The following NACC2 variants were observed in gnomAD, a reference collection of about 807,000 sequenced individuals.
The protein encoded by NACC2 is NACC family member 2.
NACC2 carries 8 observed loss-of-function variants against 25.1 expected under a neutral mutation model. That is an observed-to-expected ratio of 0.32 (90% confidence interval 0.19 to 0.57). The LOEUF (loss-of-function observed/expected upper bound fraction) is 0.57. NACC2 is among the 20% of genes least tolerant of loss of function. The pLI is 0.89. For missense variants in NACC2, 644 were observed against 650.2 expected (o/e 0.99, Z 0.10); for synonymous variants, 435 against 294.7 (o/e 1.48, Z -4.88).
intron 1 of NACC2, among the ~76,000 whole-genome samples, chr9:136,062,121 AC>A (rs1564235378): frequency 1.4e-5 from 1 of 69,350 alleles, no homozygotes; most frequent in Non-Finnish European, 3.2e-5. Context: ...GCGAGACAGG[AC>A]AGGACAGGAC....
At chr9:136,068,506 A>C (rs2131176479) in intron 1 of NACC2, among the ~76,000 whole-genome samples, 1 of 151,334 alleles carries the variant, frequency 6.6e-6, no homozygotes. Flanking sequence ...TCTCAAAAAA[A>C]AAAAAAAAAA....
intron 1 of NACC2, among the ~76,000 whole-genome samples, chr9:136,060,977 C>T (rs919328297): frequency 6.6e-6 from 1 of 152,182 alleles, no homozygotes; most frequent in African/African-American, 2.4e-5. Context: ...CCCCAGGATG[C>T]CCTGGCCTGA....
chr9:136,040,598 C>A (rs1840613297), intron 2 of NACC2, among the ~76,000 whole-genome samples: 1 of 152,008 alleles, frequency 6.6e-6, no homozygotes, highest in African/African-American at 2.4e-5. Flanking sequence ...CGGAAACATT[C>A]CAAAAGTCCA....
chr9:136,062,114 A>ACAGGGCAAGACAGGACAG (rs1841019217), intron 1 of NACC2, among the ~76,000 whole-genome samples: 2 of 142,450 alleles, frequency 1.4e-5, no homozygotes, highest in African/African-American at 5.4e-5. Context: ...CAACAGAGCG[A>ACAGGGCAAGACAGGACAG]GACAGGACAG....
chr9:136,029,292 T>C (rs952819510), intron 2 of NACC2, among the ~76,000 whole-genome samples: 3 of 152,064 alleles, frequency 2.0e-5, no homozygotes, highest in African/African-American at 7.2e-5. Context: ...GTGGGTCTCC[T>C]CTCAGCTGAG....
intron 1 of NACC2, among the ~76,000 whole-genome samples, chr9:136,054,046 T>C (rs1840887423): frequency 6.6e-6 from 1 of 152,214 alleles, no homozygotes; most frequent in African/African-American, 2.4e-5. Context: ...ACTGGGGTTA[T>C]GATTTACCCT....
At chr9:136,089,944 T>C (rs899538987) in intron 1 of NACC2, among the ~76,000 whole-genome samples, 1 of 151,756 alleles carries the variant, frequency 6.6e-6, no homozygotes, top group Admixed American at 6.6e-5. Flanking sequence ...TTAATTGTAA[T>C]GTATCTTTTT....
intron 3 of NACC2, 36 bp downstream of exon 3, chr9:136,016,229 A>G: frequency 6.2e-7 from 1 of 1,607,898 alleles, no homozygotes; most frequent in Non-Finnish European, 8.5e-7. Context: ...AAATGAGGAC[A>G]TTTGCATACA....
At chr9:136,048,213 C>T (rs1188369776) in intron 2 of NACC2, among the ~76,000 whole-genome samples, 2 of 152,288 alleles carry the variant, frequency 1.3e-5, no homozygotes, top group East Asian at 1.9e-4. Context: ...CAACAGGGGC[C>T]CTGGGTGGGC....
At chr9:136,078,067 C>T (rs1423766353) in intron 1 of NACC2, among the ~76,000 whole-genome samples, 3 of 152,178 alleles carry the variant, frequency 2.0e-5, no homozygotes, top group Non-Finnish European at 2.9e-5. Flanking sequence ...CCACCGCGTC[C>T]GGCCCAATCA....
At chr9:136,044,600 G>A (rs932196496) in intron 2 of NACC2, among the ~76,000 whole-genome samples, 11 of 152,256 alleles carry the variant, frequency 7.2e-5, no homozygotes, top group South Asian at 4.1e-4. Flanking sequence ...CTAACAGTGC[G>A]GACGCCCCCG....
intron 1 of NACC2, among the ~76,000 whole-genome samples, chr9:136,077,957 A>G (rs549849209): frequency 6.6e-6 from 1 of 152,324 alleles, no homozygotes; most frequent in African/African-American, 2.4e-5. Flanking sequence ...TCTTTTTAGT[A>G]GAGACGGGGT....
In NACC2 at chr9:136,020,434, G is replaced by T. The variant is rs1222960402; in HGVS notation, c.887-4005C>A. Among the ~76,000 whole-genome samples, 1 of 152,072 alleles carries T rather than the reference G, an allele frequency of 6.6e-6. No homozygotes were observed. Among genetic ancestry groups the T allele is most frequent in the Non-Finnish European group, 1.5e-5 (1 of 68,002 alleles). ...AGTGTGTCATCGGGGACTCGCCCAG[G>T]TGACACCATCAGAGACCACGCAGGC... On this transcript the variant is annotated intron_variant, in intron 2 of 5. Coordinates refer to ENST00000277554, the MANE Select transcript of NACC2 (RefSeq NM_144653.5). The surrounding 1 kb of genome is among the most constrained non-coding windows in gnomAD (Gnocchi z 4.7).
chr9:136,043,493 C>A (rs1022233930), intron 2 of NACC2, among the ~76,000 whole-genome samples: 1 of 152,266 alleles, frequency 6.6e-6, no homozygotes. Flanking sequence ...GCGCCTGCTG[C>A]TCTCACGGGC....
rs1840108527 is a variant in NACC2, at chr9:136,011,644, C to T, written c.1636G>A (p.Glu546Lys). The T allele has an allele frequency of 4.3e-6, 6 of 1,403,782 alleles. No homozygotes were observed. Among genetic ancestry groups the T allele is most frequent in the African/African-American group, 1.5e-5 (1 of 65,734 alleles). The allele number at this position is 1,403,782 out of a possible 1,614,324, so 87.0% of individuals were successfully genotyped here. The change falls in exon 6 of 6, where the codon GAG (glutamate) becomes AAG (lysine). Residue 546 changes from glutamate to lysine, a missense_variant. By Grantham distance (56) the Glu-to-Lys change is moderately conservative (BLOSUM62 1). Transcript: ENST00000277554. ...CTCTGGCCATCGGCGGGCAGCGGCT[C>T]GGGGGCGGCCACCTCCTGGATGACC... ...GSVIQEVAAP[E>K]PLPADGQSPP...
chr9:136,027,738 C>A (rs1407256805), intron 2 of NACC2, among the ~76,000 whole-genome samples: 1 of 152,056 alleles, frequency 6.6e-6, no homozygotes, highest in Non-Finnish European at 1.5e-5. Context: ...AAATATAGAG[C>A]CCTAAGTGCT....
Position 136,011,931 on chromosome 9 carries a change from C to G in NACC2, c.1349G>C (p.Arg450Pro), listed in dbSNP as rs752725060. 1 of 1,600,152 alleles carries G rather than the reference C, an allele frequency of 6.2e-7. No homozygotes were observed. The highest frequency in any genetic ancestry group is 8.5e-7 in the Non-Finnish European group (1 of 1,175,326). Residue 450 changes from arginine (R) to proline (P), a missense_variant, in exon 6 of 6, where the codon CGC becomes CCC. By Grantham distance (103) the Arg-to-Pro change is moderately radical. Coordinates refer to ENST00000277554, the MANE Select transcript of NACC2 (RefSeq NM_144653.5). ...MCTNARRVRKRWLPKIKSMLP... is the reference protein window; with the variant it reads ...MCTNARRVRKPWLPKIKSMLP... ...CATGGACTTGATCTTGGGCAGCCAG[C>G]GCTTGCGAACGCGGCGGGCGTTGGT... is the stretch of plus-strand genomic sequence containing the variant.
At position 136,084,808 on chromosome 9, in the gene NACC2, G is replaced by C. The variant is rs941701535; in HGVS notation, c.-60+10381C>G. Among the ~76,000 whole-genome samples the C allele has an allele frequency of 1.3e-5, 2 of 152,250 alleles. No homozygotes were observed. The highest frequency in any genetic ancestry group is 2.4e-5 in the African/African-American group (1 of 41,470). ...GCAACCCGGAGGAGCCGTGGGGAGA[G>C]GGTGCGGAGCAAATGAGCCAGTCAC... is the stretch of plus-strand genomic sequence containing the variant. On this transcript the variant is annotated intron_variant, in intron 1 of 5. Coordinates refer to ENST00000277554, the MANE Select transcript of NACC2 (RefSeq NM_144653.5). This position sits in a 1 kb window ranked among gnomAD's most constrained non-coding sequence, Gnocchi z 5.1.
At chr9:136,082,909 C>T (rs903801120) in intron 1 of NACC2, among the ~76,000 whole-genome samples, 6 of 152,246 alleles carry the variant, frequency 3.9e-5, no homozygotes, top group Non-Finnish European at 8.8e-5. Flanking sequence ...GTGCATGGCC[C>T]TCTCTACGCC....
Sources: gnomAD v4.1 joint callset for allele counts (sites outside exome capture counted in the v4.1 genomes callset) on GRCh38, gnomAD v4.1.1 for gene constraint, Gnocchi (gnomAD v3.1) non-coding constraint, MANE v1.5 for transcripts, NCBI Gene and HGNC (gene_info 2026-07-23, HGNC 2026-07-21) for gene names.